The following OPA1 variants were observed in gnomAD, a reference collection of about 807,000 sequenced individuals.
The protein encoded by OPA1 is dynamin-like GTPase OPA1, mitochondrial.
Under a neutral mutation model 152.9 loss-of-function variants are expected in OPA1, and 59 were observed. The observed-to-expected ratio is 0.39, with a 90% CI of 0.31 to 0.48. The LOEUF (loss-of-function observed/expected upper bound fraction) is 0.48. OPA1 is among the 20% of genes least tolerant of loss of function. The probability of loss-of-function intolerance (pLI) is 0.96; values close to 1 mark genes in which losing one functional copy is unlikely to be tolerated. For synonymous variants in OPA1, 400 were observed against 389.9 expected, an observed-to-expected ratio of 1.03 and a Z score of -0.31; for missense variants, 1,008 against 1,216.8, an observed-to-expected ratio of 0.83 and a Z score of 2.55.
intron 3 of OPA1, among the ~76,000 whole-genome samples, chr3:193,616,233 A>G (rs1728993478): frequency 6.6e-6 from 1 of 152,080 alleles, no homozygotes; most frequent in South Asian, 2.1e-4. Flanking sequence ...GCTAGTCTCA[A>G]ATTCCTTAGC....
intron 29 of OPA1, among the ~76,000 whole-genome samples, chr3:193,670,559 G>A (rs543134409): frequency 6.6e-6 from 1 of 151,806 alleles, no homozygotes; most frequent in African/African-American, 2.4e-5. Context: ...GTAGAGACGG[G>A]GTTTCCCCAT....
At chr3:193,634,280 T>TGC (rs1732577587) in intron 8 of OPA1, among the ~76,000 whole-genome samples, 1 of 108,200 alleles carries the variant, frequency 9.2e-6, no homozygotes, top group African/African-American at 3.8e-5. Context: ...AGCAACTACT[T>TGC]ACAAAAAAAA....
At chr3:193,675,927 A>G (rs756727907) in intron 29 of OPA1, among the ~76,000 whole-genome samples, 8 of 152,168 alleles carry the variant, frequency 5.3e-5, no homozygotes, top group Non-Finnish European at 1.0e-4. Context: ...TCCCAAGGAA[A>G]CTTTCTTCTA....
intron 6 of OPA1, among the ~76,000 whole-genome samples, chr3:193,623,839 C>T (rs971640835): frequency 1.5e-4 from 23 of 152,264 alleles, no homozygotes; most frequent in Non-Finnish European, 7.3e-5. Flanking sequence ...GCTGTGTGGC[C>T]ATCACTTGGT....
At chr3:193,668,132 G>T (rs764935016) in intron 29 of OPA1, among the ~76,000 whole-genome samples, 4 of 152,238 alleles carry the variant, frequency 2.6e-5, no homozygotes, top group Non-Finnish European at 4.4e-5. Context: ...GTGAGTTGAT[G>T]CTGATACTTC....
At chr3:193,657,620 ATC>A (rs1714174018) in intron 23 of OPA1, among the ~76,000 whole-genome samples, 1 of 152,208 alleles carries the variant, frequency 6.6e-6, no homozygotes, top group African/African-American at 2.4e-5. Flanking sequence ...GACGCCTAAA[ATC>A]ATAACACCAG....
chr3:193,655,726 G>A (rs772380652), intron 22 of OPA1, among the ~76,000 whole-genome samples: 1 of 152,102 alleles, frequency 6.6e-6, no homozygotes, highest in Non-Finnish European at 1.5e-5. Flanking sequence ...AACTGCTCAG[G>A]GAATGGACCT....
Position 193,654,960 on chromosome 3 carries a change from T to C in OPA1, c.2111T>C (p.Phe704Ser), listed in dbSNP as rs549869162. ...GCGCAGACCATGAATTCAGGAACTT[T>C]TAACACCACAGTGGATATCAAGCTT... Reference protein sequence around the residue: ...PAAQTMNSGTFNTTVDIKLKQ... With the variant: ...PAAQTMNSGTSNTTVDIKLKQ... The change falls in exon 22 of 31, where the codon TTT becomes TCT. Residue 704 changes from phenylalanine to serine, a missense_variant. This residue lies in a region of OPA1 where 229 missense variants were observed against 269.0 expected (regional missense o/e 0.85). Coordinates refer to ENST00000361510, the MANE Select transcript of OPA1 (RefSeq NM_130837.3). 1.9e-6 allele frequency: 3 copies of C among 1,613,970 alleles called. No individual in the cohort carries two copies. Among genetic ancestry groups the C allele is most frequent in the Non-Finnish European group, 2.5e-6 (3 of 1,179,944 alleles).
intron 29 of OPA1, among the ~76,000 whole-genome samples, chr3:193,681,223 A>G (rs62287177): frequency 0.17 from 25,565 of 152,206 alleles, 2,699 homozygotes; most frequent in East Asian, 0.25. Context: ...ATGGCCCTGC[A>G]GAATATTCTT....
intron 1 of OPA1, among the ~76,000 whole-genome samples, chr3:193,611,380 C>T (rs1407644118): frequency 2.0e-5 from 3 of 151,976 alleles, no homozygotes; most frequent in Non-Finnish European, 2.9e-5. Flanking sequence ...GGGAGGATCA[C>T]GAGGTCAGGA....
intron 1 of OPA1, among the ~76,000 whole-genome samples, chr3:193,610,359 T>C (rs1381581609): frequency 1.3e-5 from 2 of 152,234 alleles, no homozygotes; most frequent in Non-Finnish European, 2.9e-5. Flanking sequence ...CGAATATTGG[T>C]GAACAGCAGA....
intron 25 of OPA1, 96 bp downstream of exon 25, chr3:193,659,657 C>A: frequency 2.4e-6 from 2 of 835,796 alleles, no homozygotes; most frequent in Non-Finnish European, 3.9e-6. Flanking sequence ...CTAGACCAGT[C>A]TCAGGAATAT....
At position 193,632,851 on chromosome 3, in the gene OPA1, C is replaced by T. The variant is rs978152957; in HGVS notation, c.843+1186C>T. Among the ~76,000 whole-genome samples, 16 of 152,220 alleles carry T rather than the reference C, an allele frequency of 1.1e-4. 1 individual carries two copies. Among genetic ancestry groups the T allele is most frequent in the African/African-American group, 2.7e-4 (11 of 41,462 alleles). On this transcript the variant is annotated intron_variant, in intron 8 of 30. Coordinates refer to ENST00000361510, the MANE Select transcript of OPA1 (RefSeq NM_130837.3). ...GCTCCCTGGCCAATAGAGCAAGACC[C>T]TGTCTGGAAGAAAACAAAAAAGAAT... is the stretch of plus-strand genomic sequence containing the variant.
At chr3:193,647,511 G>A (rs951369561) in intron 19 of OPA1, among the ~76,000 whole-genome samples, 4 of 152,202 alleles carry the variant, frequency 2.6e-5, no homozygotes, top group African/African-American at 7.2e-5. Context: ...GGGAAGCAGA[G>A]CCCTCTGAAC....
chr3:193,633,430 A>T (rs918415548), intron 8 of OPA1, among the ~76,000 whole-genome samples: 1 of 152,148 alleles, frequency 6.6e-6, no homozygotes. Flanking sequence ...TAGACCCCAA[A>T]ATTGATTTTG....
intron 11 of OPA1, among the ~76,000 whole-genome samples, chr3:193,641,635 C>T (rs1733803028): frequency 6.6e-6 from 1 of 152,164 alleles, no homozygotes; most frequent in Non-Finnish European, 1.5e-5. Flanking sequence ...ATCAGCAAAT[C>T]CTCTGATGGA....
At chr3:193,626,610 C>T (rs1413531085) in intron 7 of OPA1, among the ~76,000 whole-genome samples, 1 of 152,114 alleles carries the variant, frequency 6.6e-6, no homozygotes, top group Non-Finnish European at 1.5e-5. Context: ...TAAAGAATAA[C>T]ATTTATTTAT....
rs751986355 is a variant in OPA1 at position 193,614,961 on chromosome 3, G to C, written c.271G>C (p.Ala91Pro). Reference sequence around the variant, plus strand: ...CCAGCCTCGCAGGAATTTTTGGCCAGCAAGATTAGCTACGAGACTCTTAAA... The same window carrying C: ...CCAGCCTCGCAGGAATTTTTGGCCACCAAGATTAGCTACGAGACTCTTAAA... ...GYQPRRNFWPARLATRLLKLR... is the reference protein window; with the variant it reads ...GYQPRRNFWPPRLATRLLKLR... The change falls in exon 2 of 31, where the codon GCA (alanine) becomes CCA (proline). Residue 91 changes from alanine to proline, a missense_variant. By Grantham distance (27) the Ala-to-Pro change is conservative (BLOSUM62 -1). Transcript: ENST00000361510. 3 of 1,613,994 alleles carry C rather than the reference G, an allele frequency of 1.9e-6. No homozygotes were observed. In the East Asian group the frequency reaches 6.7e-5, roughly 36 times the overall value.
chr3:193,597,701 A>G (rs1045300035), intron 1 of OPA1, among the ~76,000 whole-genome samples: 1 of 151,870 alleles, frequency 6.6e-6, no homozygotes, highest in Non-Finnish European at 1.5e-5. Flanking sequence ...AAAAAAAAAA[A>G]AAAAAAAAGA....
Sources: allele counts gnomAD v4.1 joint callset (sites outside exome capture counted in the v4.1 genomes callset), GRCh38; gene constraint gnomAD v4.1.1; regional missense constraint gnomAD v4.1.1; transcripts MANE v1.5; gene names NCBI Gene and HGNC (gene_info 2026-07-23, HGNC 2026-07-21).